CERS5: variants seen among roughly 807,000 people sequenced by gnomAD.
The protein encoded by CERS5 is ceramide synthase 5.
In CERS5, 37 loss-of-function variants were observed where a neutral mutation model predicts 58.9. The observed-to-expected ratio is 0.63, with a 90% CI of 0.48 to 0.83. The LOEUF (loss-of-function observed/expected upper bound fraction) is 0.83, where lower values mean the gene tolerates loss of function less well. CERS5 is among the 40% of genes least tolerant of loss of function. The probability of loss-of-function intolerance (pLI) is 0.00; values close to 1 mark genes in which losing one functional copy is unlikely to be tolerated. For synonymous variants in CERS5, 147 were observed against 177.8 expected, an observed-to-expected ratio of 0.83 and a Z score of 1.38; for missense variants, 398 against 489.3, an observed-to-expected ratio of 0.81 and a Z score of 1.76.
At chr12:50,148,200 G>A (rs1292829614) in intron 1 of CERS5, among the ~76,000 whole-genome samples, 1 of 152,028 alleles carries the variant, frequency 6.6e-6, no homozygotes, top group Non-Finnish European at 1.5e-5. Context: ...CAACTTGGGA[G>A]GTTGAGGTGG....
chr12:50,165,356 T>C (rs1939759839), intron 1 of CERS5: 1 of 151,620 alleles, frequency 6.6e-6, no homozygotes, highest in Admixed American at 6.6e-5. Flanking sequence ...GAGGCGGAGC[T>C]TGCAGTGAGC....
Position 50,166,192 on chromosome 12 carries a change from G to T in CERS5, c.197+909C>A, listed in dbSNP as rs56217329. On this transcript the variant is annotated intron_variant, in intron 1 of 9. Transcript: ENST00000317551. The stretch of plus-strand genomic sequence containing the variant: ...ACAAAAAGTAGCCGGGCGTGGTGGC[G>T]CGTGCCTGTAATTCCAGCTACTCGG... 7.4e-3 allele frequency: 1,568 copies of T among 210,902 alleles called. 22 individuals carry two copies. Among genetic ancestry groups the T allele is most frequent in the African/African-American group, 0.035 (1,466 of 42,308 alleles). The allele number at this position is 210,902 out of a possible 1,614,324, so 13.1% of individuals were successfully genotyped here. A position where few individuals can be genotyped will look rare whatever the true frequency, so the allele number is the denominator to read the frequency against.
At chr12:50,133,665 G>A (rs1264532393) in intron 9 of CERS5, 5 of 985,410 alleles carry the variant, frequency 5.1e-6, no homozygotes, top group East Asian at 1.1e-4. Flanking sequence ...GGTAGGAAAT[G>A]GTTGAGGCCA....
In CERS5 at chr12:50,167,170, CG is replaced by C; in HGVS notation, c.127del (p.Arg43AlafsTer18). ...GAACACCGAGAGGATGTGCCGGCCG[CG>C]GGGGTAACCGTAGCCGTCGGCCGGC... is the stretch of plus-strand genomic sequence containing the variant. The part of the protein sequence containing the change: ...EGPADGYGYP[R>X]GRHILSVFPL... On this transcript the variant is annotated frameshift_variant, in exon 1 of 10. Transcript: ENST00000317551. LOFTEE classifies it high-confidence loss of function. 1 of 1,600,612 alleles carries C rather than the reference CG, an allele frequency of 6.2e-7. No homozygotes were observed.
chr12:50,130,308 C>A lies in CERS5; in HGVS notation c.*237G>T. 2.6e-6 allele frequency: 1 copy of A among 382,320 alleles called. No individual in the cohort carries two copies. Among genetic ancestry groups the A allele is most frequent in the Non-Finnish European group, 4.7e-6 (1 of 213,928 alleles). 23.7% of individuals were successfully genotyped at this position (382,320 alleles called of 1,614,324 possible). ...AATGAAACTCACGCATATGCACAAA[C>A]GCACATCAACAAACACACAAAAACA... On this transcript the variant is annotated 3_prime_UTR_variant, in exon 10 of 10. Transcript: ENST00000317551.
chr12:50,145,763 C>G (rs757019068), intron 1 of CERS5, among the ~76,000 whole-genome samples: 1 of 152,124 alleles, frequency 6.6e-6, no homozygotes, highest in African/African-American at 2.4e-5. Flanking sequence ...TAATATTTAA[C>G]CCCCAACTCA....
chr12:50,143,327 G>T, intron 2 of CERS5, 123 bp from the exon 3 acceptor site: 1 of 1,178,446 alleles, frequency 8.5e-7, no homozygotes. Context: ...ATCTTTCCAA[G>T]TTTTATCCCA....
At chr12:50,162,324 G>A (rs1309001841) in intron 1 of CERS5, among the ~76,000 whole-genome samples, 1 of 151,824 alleles carries the variant, frequency 6.6e-6, no homozygotes, top group Non-Finnish European at 1.5e-5. Context: ...AAAGATGAAC[G>A]GCCCTATCAG....
rs1318910044 is a variant in CERS5, at chr12:50,138,721, A to ATGTCCTC, written c.493-105_493-104insGAGGACA. 3 of 988,432 alleles carry ATGTCCTC rather than the reference A, an allele frequency of 3.0e-6. No individual in the cohort carries two copies. The African/African-American group carries it at 4.8e-5, about 16-fold the overall frequency. 61.2% of individuals were successfully genotyped at this position (988,432 alleles called of 1,614,324 possible). A position where few individuals can be genotyped will look rare whatever the true frequency, so the allele number is the denominator to read the frequency against. ...TCTCTAGGCTGGGGCAAAAGAGGAC[A>ATGTCCTC]GAAAAGCCCCCAAACAGATTTTAGG... On this transcript the variant is annotated intron_variant, in intron 4 of 9. Transcript: ENST00000317551.
At chr12:50,135,104 GA>G (rs1951560480) in intron 8 of CERS5, among the ~76,000 whole-genome samples, 1 of 137,952 alleles carries the variant, frequency 7.2e-6, no homozygotes. Context: ...GGAGAGAGAG[GA>G]GAGGGAGGGA....
chr12:50,132,955 C>G lies in CERS5; in HGVS notation c.1029+1591G>C, dbSNP rs1262588931. 3.1e-6 allele frequency: 4 copies of G among 1,288,964 alleles called. No homozygotes were observed. In the South Asian group the frequency reaches 4.9e-5, roughly 16 times the overall value. 79.8% of individuals were successfully genotyped at this position (1,288,964 alleles called of 1,614,324 possible). Reference sequence around the variant, plus strand: ...TCACTGAATACTAGAAGCACAGATACACTTACATGCAAGAGATGAAACTGT... The same window carrying G: ...TCACTGAATACTAGAAGCACAGATAGACTTACATGCAAGAGATGAAACTGT... On this transcript the variant is annotated intron_variant, in intron 9 of 9. Coordinates refer to ENST00000317551, the MANE Select transcript of CERS5 (RefSeq NM_147190.5).
intron 1 of CERS5, among the ~76,000 whole-genome samples, chr12:50,145,750 CA>C (rs1952235620): frequency 6.6e-6 from 1 of 151,978 alleles, no homozygotes; most frequent in East Asian, 1.9e-4. Context: ...TTCTGTATAC[CA>C]ATAATATTTA....
At chr12:50,161,869 C>CTTT (rs765766688) in intron 1 of CERS5, among the ~76,000 whole-genome samples, 1,334 of 67,324 alleles carry the variant, frequency 0.02, 7 homozygotes, top group Middle Eastern at 0.033. Flanking sequence ...TGTTCTTCTT[C>CTTT]TTTTTTTTTT....
intron 1 of CERS5, chr12:50,165,863 G>C: frequency 2.3e-6 from 1 of 442,868 alleles, no homozygotes; most frequent in South Asian, 1.6e-5. Context: ...CTTGGAGTCT[G>C]AGTAGACTTG....
chr12:50,131,558 C>CAAAAAAA (rs752634104), intron 9 of CERS5, among the ~76,000 whole-genome samples: 2 of 69,834 alleles, frequency 2.9e-5, no homozygotes, highest in Non-Finnish European at 5.4e-5. Flanking sequence ...GACTCCATCT[C>CAAAAAAA]AAAAAAAAAA....
chr12:50,147,949 A>G (rs575804515), intron 1 of CERS5, among the ~76,000 whole-genome samples: 4 of 150,814 alleles, frequency 2.7e-5, no homozygotes, highest in Non-Finnish European at 5.9e-5. Context: ...TAATTAAAAA[A>G]TTTTTTTTTT....
chr12:50,148,919 AAAAAAAAAATATAT>A (rs1325277135), intron 1 of CERS5, among the ~76,000 whole-genome samples: 3 of 70,888 alleles, frequency 4.2e-5, no homozygotes, highest in Non-Finnish European at 8.8e-5. Context: ...AAAAAAAAAA[AAAAAAAAAATATAT>A]ATATATATAT....
At chr12:50,135,176 A>G (rs1258996209) in intron 8 of CERS5, among the ~76,000 whole-genome samples, 3 of 60,136 alleles carry the variant, frequency 5.0e-5, no homozygotes, top group African/African-American at 7.2e-5. Flanking sequence ...GGAGGGAGGG[A>G]GAGAGAGGAG....
intron 1 of CERS5, 80 bp downstream of exon 1, chr12:50,167,021 T>C (rs764416839): frequency 1.7e-6 from 2 of 1,166,464 alleles, no homozygotes; most frequent in Non-Finnish European, 2.3e-6. Context: ...GCAGTTCTGC[T>C]TCCGGCCCTC....
Sources: allele counts gnomAD v4.1 joint callset (sites outside exome capture counted in the v4.1 genomes callset), GRCh38; gene constraint gnomAD v4.1.1; transcripts MANE v1.5; gene names NCBI Gene and HGNC (gene_info 2026-07-23, HGNC 2026-07-21).